Variants in STKLD1 observed in about 807,000 individuals in gnomAD.
STKLD1 encodes serine/threonine kinase-like domain-containing protein STKLD1.
In STKLD1, 79 loss-of-function variants were observed where a neutral mutation model predicts 80.4. The ratio of observed to expected loss-of-function variants is 0.98; its 90% CI spans 0.82 to 1.19. STKLD1 has a LOEUF of 1.19. STKLD1 is among the 50% of genes most tolerant of loss of function. The pLI is 0.00. For missense variants in STKLD1, 841 were observed against 856.0 expected (o/e 0.98, Z 0.22); for synonymous variants, 393 against 357.6 (o/e 1.10, Z -1.12).
intron 14 of STKLD1, 104 bp from the exon 15 acceptor site, chr9:133,403,596 G>A: frequency 1.4e-6 from 2 of 1,428,352 alleles, no homozygotes; most frequent in Non-Finnish European, 1.9e-6. Context: ...CCCCATTTCT[G>A]CTGTTGTCGT....
rs147520012 is a variant in STKLD1, at chr9:133,404,875, G to A, written c.1819G>A (p.Asp607Asn). The A allele has an allele frequency of 3.3e-5, 53 of 1,613,258 alleles. No individual in the cohort carries two copies. The highest frequency in any genetic ancestry group is 2.4e-4 in the African/African-American group (18 of 75,002). ...IKETYQLHRD[D>N]PEVVENVGML... ...GGAGACCTACCAGCTCCACAGGGAC[G>A]ACCCGGAGGTGGTGGAGAACGTGGG... The change falls in exon 17 of 18, where the codon GAC becomes AAC. Residue 607 changes from aspartate to asparagine, a missense_variant. Transcript: ENST00000371957.
Position 133,395,923 on chromosome 9 carries a change from T to A in STKLD1, c.866+160T>A, listed in dbSNP as rs1036945758. On this transcript the variant is annotated intron_variant, in intron 9 of 17. Transcript: ENST00000371957. ...CAGCTGGGCTTTGCCCAGTTCTGGCTCTCCCAAACCGTGCTGCGGCGAGTA... is the reference window on the plus strand; with the variant it reads ...CAGCTGGGCTTTGCCCAGTTCTGGCACTCCCAAACCGTGCTGCGGCGAGTA... 35 of 736,844 alleles carry A rather than the reference T, an allele frequency of 4.7e-5. No homozygotes were observed. In the African/African-American group the frequency reaches 5.9e-4, roughly 12 times the overall value. 45.6% of individuals were successfully genotyped at this position (736,844 alleles called of 1,614,324 possible). A position where few individuals can be genotyped will look rare whatever the true frequency, so the allele number is the denominator to read the frequency against.
At chr9:133,398,696 T>C (rs781810499) in intron 11 of STKLD1, among the ~76,000 whole-genome samples, 3 of 152,330 alleles carry the variant, frequency 2.0e-5, no homozygotes, top group Admixed American at 1.3e-4. Context: ...GGAGGATTGC[T>C]TGAGCCCAGG....
chr9:133,378,423 C>T (rs1036960193), intron 1 of STKLD1, among the ~76,000 whole-genome samples: 3 of 152,064 alleles, frequency 2.0e-5, no homozygotes, highest in Non-Finnish European at 4.4e-5. Context: ...GCCATCTCTC[C>T]AGATTTGGCT....
chr9:133,388,405 A>G (rs1838311128), intron 5 of STKLD1, among the ~76,000 whole-genome samples: 1 of 151,976 alleles, frequency 6.6e-6, no homozygotes, highest in South Asian at 2.1e-4. Context: ...CCACCACCAC[A>G]CCCACTAATT....
rs71378573 is a variant in STKLD1, at chr9:133,390,194, AACACACACACAC to A, written c.468-440_468-429del. Among the ~76,000 whole-genome samples the A allele has an allele frequency of 0.21, 26,347 of 123,362 alleles. 3,199 individuals carry two copies. The highest frequency in any genetic ancestry group is 0.33 in the South Asian group (1,131 of 3,440). 80.9% of individuals were successfully genotyped at this position (123,362 alleles called of 152,430 possible). A position where few individuals can be genotyped will look rare whatever the true frequency, so the allele number is the denominator to read the frequency against. On this transcript the variant is annotated intron_variant, in intron 6 of 17. Transcript: ENST00000371957. This position sits in a 1 kb window ranked among gnomAD's most constrained non-coding sequence, Gnocchi z 5.1. ...TTCAGCCTGGGCAACCCTGACTTAA[AACACACACACAC>A]ACACACACACACACACACACACACA...
rs782513023 is a variant in STKLD1 at position 133,405,366 on chromosome 9, T to G, written c.1988T>G (p.Leu663Arg). The G allele has an allele frequency of 6.2e-7, 1 of 1,612,362 alleles. No homozygotes were observed. Among genetic ancestry groups the G allele is most frequent in the Non-Finnish European group, 8.5e-7 (1 of 1,179,916 alleles). Residue 663 changes from leucine (L) to arginine (R), a missense_variant, in exon 18 of 18, where the codon CTC (leucine) becomes CGC (arginine). By Grantham distance (102) the Leu-to-Arg change is moderately radical. Transcript: ENST00000371957. Reference sequence around the variant, plus strand: ...AGCAGCGCCTTCAGCAAACCAGGCCTCCCTCCAGGTGGAAGCCCCCAGCTG... The same window carrying G: ...AGCAGCGCCTTCAGCAAACCAGGCCGCCCTCCAGGTGGAAGCCCCCAGCTG... ...SDSSAFSKPG[L>R]PPGGSPQLGC...
chr9:133,403,013 G>A lies in STKLD1; in HGVS notation c.1474+1G>A. 1 of 1,563,492 alleles carries A rather than the reference G, an allele frequency of 6.4e-7. No individual in the cohort carries two copies. Among genetic ancestry groups the A allele is most frequent in the South Asian group, 1.2e-5 (1 of 84,896 alleles). The stretch of plus-strand genomic sequence containing the variant: ...CTGCTCTGGGCCCTCCTGCTGGACG[G>A]TGAGGGGCCCTCCTCCTGCTGTCCC... On this transcript the variant is annotated splice_donor_variant, in intron 14 of 17. Coordinates refer to ENST00000371957, the MANE Select transcript of STKLD1 (RefSeq NM_153710.5). LOFTEE classifies it high-confidence loss of function.
In STKLD1 at chr9:133,380,375, T is replaced by G. The variant is rs2130263405; in HGVS notation, c.174+1253T>G. Among the ~76,000 whole-genome samples, 4 of 151,944 alleles carry G rather than the reference T, an allele frequency of 2.6e-5. No individual in the cohort carries two copies. In the East Asian group the frequency reaches 7.9e-4, roughly 30 times the overall value. ...AGCTTTTAAAAATGTCAGCCATGAC[T>G]AGGCATGGTGGCTCATCCCTGTAAT... On this transcript the variant is annotated intron_variant, in intron 2 of 17. Coordinates refer to ENST00000371957, the MANE Select transcript of STKLD1 (RefSeq NM_153710.5).
chr9:133,394,040 T>G lies in STKLD1; in HGVS notation c.584-251T>G. 1 of 506,550 alleles carries G rather than the reference T, an allele frequency of 2.0e-6. No homozygotes were observed. Among genetic ancestry groups the G allele is most frequent in the South Asian group, 2.6e-5 (1 of 38,446 alleles). The allele number at this position is 506,550 out of a possible 1,614,324, so 31.4% of individuals were successfully genotyped here. ...GACACACCACCTATATGGGCCAGCC[T>G]GGTGGGCACCCACCAAGATGGACAG... On this transcript the variant is annotated intron_variant, in intron 7 of 17. Transcript: ENST00000371957. This position sits in a 1 kb window ranked among gnomAD's most constrained non-coding sequence, Gnocchi z 4.9.
At position 133,382,517 on chromosome 9, in the gene STKLD1, GTGA is replaced by G. The variant is rs1281479572; in HGVS notation, c.175-1330_175-1328del. 4.6e-4 allele frequency among the ~76,000 whole-genome samples: 69 copies of G among 151,506 alleles called. No homozygotes were observed. The East Asian group carries it at 9.8e-3, about 21-fold the overall frequency. ...GGTGATGGTGGTGGCAGTGATGATG[GTGA>G]TGATGATGGTGATGATAATGGTGAT... On this transcript the variant is annotated intron_variant, in intron 2 of 17. Transcript: ENST00000371957.
chr9:133,398,896 A>C (rs2130681421), intron 11 of STKLD1, among the ~76,000 whole-genome samples: 1 of 152,222 alleles, frequency 6.6e-6, no homozygotes, highest in Non-Finnish European at 1.5e-5. Flanking sequence ...TCTGTCCCCC[A>C]GGCTGGAGTG....
At chr9:133,391,498 C>T (rs905001584) in intron 7 of STKLD1, among the ~76,000 whole-genome samples, 1 of 151,406 alleles carries the variant, frequency 6.6e-6, no homozygotes, top group African/African-American at 2.4e-5. Flanking sequence ...ACATGGGAGA[C>T]TTTTCATTTT....
chr9:133,386,634 A>G (rs1203565761), intron 4 of STKLD1, among the ~76,000 whole-genome samples: 1 of 152,264 alleles, frequency 6.6e-6, no homozygotes, highest in Non-Finnish European at 1.5e-5. Context: ...GCTAGTAAAC[A>G]GCTGACTGGG....
At position 133,385,892 on chromosome 9, in the gene STKLD1, A is replaced by G. The variant is rs1838254112; in HGVS notation, c.294+201A>G. Among the ~76,000 whole-genome samples the G allele has an allele frequency of 6.6e-6, 1 of 150,870 alleles. No individual in the cohort carries two copies. The highest frequency in any genetic ancestry group is 1.5e-5 in the Non-Finnish European group (1 of 67,848). On this transcript the variant is annotated intron_variant, in intron 4 of 17. Transcript: ENST00000371957. This position sits in a 1 kb window ranked among gnomAD's most constrained non-coding sequence, Gnocchi z 4.9. ...GGGGGCTTTCGGTGCATAGTCTCAT[A>G]GGAGCCCCAAAAACCTCATCGTCAG...
rs2130285859 is a variant in STKLD1 at position 133,390,194 on chromosome 9, AACAC to A, written c.468-432_468-429del. ...TTCAGCCTGGGCAACCCTGACTTAA[AACAC>A]ACACACACACACACACACACACACA... On this transcript the variant is annotated intron_variant, in intron 6 of 17. Coordinates refer to ENST00000371957, the MANE Select transcript of STKLD1 (RefSeq NM_153710.5). The surrounding 1 kb of genome is among the most constrained non-coding windows in gnomAD (Gnocchi z 5.1). 0.062 allele frequency among the ~76,000 whole-genome samples: 7,617 copies of A among 123,286 alleles called. 388 individuals carry two copies. The highest frequency in any genetic ancestry group is 0.088 in the Middle Eastern group (21 of 238). 80.9% of individuals were successfully genotyped at this position (123,286 alleles called of 152,430 possible). A position where few individuals can be genotyped will look rare whatever the true frequency, so the allele number is the denominator to read the frequency against.
At position 133,397,168 on chromosome 9, in the gene STKLD1, G is replaced by T; in HGVS notation, c.871G>T (p.Val291Leu). 6.2e-7 allele frequency: 1 copy of T among 1,613,800 alleles called. No homozygotes were observed. Among genetic ancestry groups the T allele is most frequent in the Non-Finnish European group, 8.5e-7 (1 of 1,180,022 alleles). The change falls in exon 10 of 18, where the codon GTG becomes TTG. Residue 291 changes from valine to leucine, a missense_variant. Transcript: ENST00000371957. ...DPSDRITIKD[V>L]VHITFLRGSF... ...CCCTCTCTGCTCCTCTGCTAGGGAC[G>T]TGGTGCACATCACCTTCTTGAGAGG...
intron 1 of STKLD1, among the ~76,000 whole-genome samples, chr9:133,377,727 A>G (rs1234564224): frequency 6.6e-6 from 1 of 152,158 alleles, no homozygotes; most frequent in Non-Finnish European, 1.5e-5. Context: ...TTTGTGGAAG[A>G]CAATTTTTCC....
rs1233391821 is a variant in STKLD1 at position 133,376,459 on chromosome 9, C to G, written c.-15C>G. 2 of 1,569,742 alleles carry G rather than the reference C, an allele frequency of 1.3e-6. No individual in the cohort carries two copies. Among genetic ancestry groups the G allele is most frequent in the East Asian group, 4.8e-5 (2 of 41,660 alleles). ...CCAGGGGTGGACGCTCGCCCGTACG[C>G]GGTCGCTACTGATCATGCTTGGGCC... is the stretch of plus-strand genomic sequence containing the variant. On this transcript the variant is annotated 5_prime_UTR_variant, in exon 1 of 18. Transcript: ENST00000371957.
Sources: gnomAD v4.1 joint callset for allele counts (sites outside exome capture counted in the v4.1 genomes callset) on GRCh38, gnomAD v4.1.1 for gene constraint, Gnocchi (gnomAD v3.1) non-coding constraint, MANE v1.5 for transcripts, NCBI Gene and HGNC (gene_info 2026-07-23, HGNC 2026-07-21) for gene names.